Variants in PDE10A observed in about 807,000 individuals in gnomAD.
PDE10A encodes the protein phosphodiesterase 10A.
A neutral mutation model predicts 97.7 loss-of-function variants in PDE10A; 39 were observed. That is an observed-to-expected ratio of 0.40 (90% CI 0.31 to 0.52). The LOEUF (loss-of-function observed/expected upper bound fraction) is 0.52. PDE10A is among the 20% of genes least tolerant of loss of function. The pLI, the probability that PDE10A is intolerant of heterozygous loss-of-function variation, is 0.56. For missense variants in PDE10A, 731 were observed against 1,047.8 expected (o/e 0.70, Z 4.17); for synonymous variants, 371 against 376.8 (o/e 0.98, Z 0.18).
intron 1 of PDE10A, among the ~76,000 whole-genome samples, chr6:165,740,628 T>TG (rs1792697880): frequency 6.6e-6 from 1 of 152,174 alleles, no homozygotes; most frequent in Non-Finnish European, 1.5e-5. Flanking sequence ...CCACCACTCC[T>TG]GGCCTGTGTG....
intron 10 of PDE10A, among the ~76,000 whole-genome samples, chr6:165,428,107 G>C (rs1444899288): frequency 6.6e-6 from 1 of 152,086 alleles, no homozygotes; most frequent in Non-Finnish European, 1.5e-5. Flanking sequence ...GCACATAACA[G>C]GGCACAAATG....
At chr6:165,531,112 G>A (rs1371981558) in intron 2 of PDE10A, among the ~76,000 whole-genome samples, 1 of 151,764 alleles carries the variant, frequency 6.6e-6, no homozygotes, top group Non-Finnish European at 1.5e-5. Context: ...AAACTCTGGT[G>A]TCTCAGGGAA....
At chr6:165,512,083 A>T (rs1781539260) in intron 2 of PDE10A, among the ~76,000 whole-genome samples, 1 of 151,714 alleles carries the variant, frequency 6.6e-6, no homozygotes, top group Non-Finnish European at 1.5e-5. Flanking sequence ...GGTTGTTTGT[A>T]TATTCTTTGT....
chr6:165,333,225 C>G, intron 21 of PDE10A, 98 bp from the exon 22 acceptor site: 1 of 770,924 alleles, frequency 1.3e-6, no homozygotes. Context: ...CAGCTCTGCA[C>G]AACGGCATTG....
chr6:165,384,452 T>C lies in PDE10A; in HGVS notation c.2610+3846A>G, dbSNP rs371214974. Among the ~76,000 whole-genome samples the C allele has an allele frequency of 2.6e-5, 4 of 152,260 alleles. No individual in the cohort carries two copies. The East Asian group carries it at 7.7e-4, about 29-fold the overall frequency. On this transcript the variant is annotated intron_variant, in intron 17 of 21. Transcript: ENST00000539869. ...AAAATGAGAACGCAGACTGACCTTC[T>C]CTGCAGATGCTCTTGTATTTACCCT...
At chr6:165,752,252 A>G (rs914029833) in intron 1 of PDE10A, among the ~76,000 whole-genome samples, 5 of 152,084 alleles carry the variant, frequency 3.3e-5, no homozygotes, top group African/African-American at 9.7e-5. Context: ...TGCAAGGAAC[A>G]GTATCATCCA....
intron 3 of PDE10A, among the ~76,000 whole-genome samples, chr6:165,454,733 A>G (rs1464748632): frequency 1.3e-5 from 2 of 152,188 alleles, no homozygotes; most frequent in African/African-American, 4.8e-5. Flanking sequence ...TAAATTTCCT[A>G]GTCTGTAGTA....
chr6:165,752,016 A>C (rs939672058), intron 1 of PDE10A, among the ~76,000 whole-genome samples: 1 of 150,984 alleles, frequency 6.6e-6, no homozygotes, highest in African/African-American at 2.4e-5. Context: ...GGTGACGGGC[A>C]CCTATAGTCC....
At chr6:165,731,829 T>C (rs1051575158) in intron 1 of PDE10A, among the ~76,000 whole-genome samples, 9 of 152,214 alleles carry the variant, frequency 5.9e-5, no homozygotes, top group Non-Finnish European at 1.2e-4. Context: ...ACATTTTCAA[T>C]TGCCAACAAG....
intron 1 of PDE10A, among the ~76,000 whole-genome samples, chr6:165,670,253 G>A (rs1446142702): frequency 1.3e-5 from 2 of 152,224 alleles, no homozygotes; most frequent in Non-Finnish European, 2.9e-5. Flanking sequence ...CTTGATGCAA[G>A]GATGCAGCTT....
chr6:165,650,694 C>G (rs537496885), intron 1 of PDE10A, among the ~76,000 whole-genome samples: 2 of 152,022 alleles, frequency 1.3e-5, no homozygotes, highest in Non-Finnish European at 2.9e-5. Context: ...AGTCACTTTG[C>G]CTATGTGTGA....
At chr6:165,906,003 CCTTCCT>C (rs1562791902) in intron 1 of PDE10A, among the ~76,000 whole-genome samples, 12 of 55,684 alleles carry the variant, frequency 2.2e-4, no homozygotes, top group African/African-American at 8.8e-4. Flanking sequence ...TTCCTTCCTT[CCTTCCT>C]TCCTTCCCTC....
chr6:165,398,495 CTCTCA>C (rs1562422328), intron 13 of PDE10A, among the ~76,000 whole-genome samples: 1 of 99,324 alleles, frequency 1.0e-5, no homozygotes, highest in African/African-American at 3.9e-5. Flanking sequence ...CTCTCTCTCT[CTCTCA>C]AAAAAAAAAA....
intron 1 of PDE10A, among the ~76,000 whole-genome samples, chr6:165,855,022 A>AATGC (rs1005615660): frequency 1.4e-5 from 2 of 141,066 alleles, no homozygotes; most frequent in African/African-American, 2.6e-5. Flanking sequence ...TGAATGAATG[A>AATGC]ATGAATGAAT....
intron 1 of PDE10A, among the ~76,000 whole-genome samples, chr6:165,960,312 G>A (rs1784317486): frequency 6.6e-6 from 1 of 152,224 alleles, no homozygotes; most frequent in South Asian, 2.1e-4. Context: ...ACAGCACAAA[G>A]TTGTCAAAGA....
chr6:165,444,773 A>C, intron 5 of PDE10A, among the ~76,000 whole-genome samples: 1 of 152,094 alleles, frequency 6.6e-6, no homozygotes, highest in East Asian at 1.9e-4. Flanking sequence ...TTTAAATTCT[A>C]TTAGAACTTC....
chr6:165,422,416 TATGCATAC>T, intron 10 of PDE10A, among the ~76,000 whole-genome samples: 1 of 111,538 alleles, frequency 9.0e-6, no homozygotes, highest in Non-Finnish European at 2.1e-5. Context: ...CATACACACA[TATGCATAC>T]ACACATACGC....
intron 1 of PDE10A, among the ~76,000 whole-genome samples, chr6:165,716,097 C>T (rs1792019851): frequency 6.6e-6 from 1 of 152,218 alleles, no homozygotes; most frequent in Admixed American, 6.5e-5. Context: ...GCCTTGCAGA[C>T]TGGATGAAGC....
intron 1 of PDE10A, among the ~76,000 whole-genome samples, chr6:165,812,052 C>T (rs1410483951): frequency 6.6e-6 from 1 of 152,100 alleles, no homozygotes; most frequent in Admixed American, 6.5e-5. Flanking sequence ...CGGGGTTTCA[C>T]CATATTGGCC....
Sources: allele counts gnomAD v4.1 joint callset (sites outside exome capture counted in the v4.1 genomes callset), GRCh38; gene constraint gnomAD v4.1.1; transcripts MANE v1.5; gene names NCBI Gene and HGNC (gene_info 2026-07-23, HGNC 2026-07-21).